Variants in ASPA observed in about 807,000 individuals in gnomAD.
The protein encoded by ASPA is aspartoacylase.
Under a neutral mutation model 29.6 loss-of-function variants are expected in ASPA, and 25 were observed. That is an observed-to-expected ratio of 0.85 (90% confidence interval 0.62 to 1.18). The LOEUF (loss-of-function observed/expected upper bound fraction) is 1.18. ASPA is among the 50% of genes most tolerant of loss of function. The probability of loss-of-function intolerance (pLI) is 0.00; values close to 1 mark genes in which losing one functional copy is unlikely to be tolerated. For synonymous variants in ASPA, 131 were observed against 130.3 expected, an observed-to-expected ratio of 1.01 and a Z score of -0.04; for missense variants, 333 against 385.7, an observed-to-expected ratio of 0.86 and a Z score of 1.14.
In ASPA at chr17:3,488,657, G is replaced by A. The variant is rs74397580; in HGVS notation, c.527-578G>A. Among the ~76,000 whole-genome samples, 1 of 151,902 alleles carries A rather than the reference G, an allele frequency of 6.6e-6. No homozygotes were observed. The highest frequency in any genetic ancestry group is 2.4e-5 in the African/African-American group (1 of 41,334). On this transcript the variant is annotated intron_variant, in intron 3 of 5. Coordinates refer to ENST00000263080, the MANE Select transcript of ASPA (RefSeq NM_000049.4). This position sits in a 1 kb window ranked among gnomAD's most constrained non-coding sequence, Gnocchi z 6.1. ...GGGTGACAGAGTGAGACTCTGTCTC[G>A]AAAAAATAAATAAATAAATAAAACC... is the stretch of plus-strand genomic sequence containing the variant.
intron 4 of ASPA, among the ~76,000 whole-genome samples, chr17:3,491,754 A>AAAG (rs2073829502): frequency 2.0e-5 from 3 of 151,522 alleles, no homozygotes; most frequent in South Asian, 2.1e-4. Flanking sequence ...TCAAAAAAAA[A>AAAG]AAAGAAAGAA....
At chr17:3,498,755 G>T (rs145748935) in intron 5 of ASPA, 136 bp from the exon 6 acceptor site, 2 of 827,698 alleles carry the variant, frequency 2.4e-6, no homozygotes, top group Middle Eastern at 3.9e-4. Flanking sequence ...TCACTTGCCT[G>T]CATCTCAATG....
intron 5 of ASPA, among the ~76,000 whole-genome samples, chr17:3,498,166 G>A (rs145566054): frequency 6.6e-6 from 1 of 152,152 alleles, no homozygotes; most frequent in East Asian, 1.9e-4. Context: ...TTTCCCAACG[G>A]TAGAATGTCT....
rs922942874 is a variant in ASPA at position 3,500,268 on chromosome 17, T to G, written c.*1180T>G. On this transcript the variant is annotated 3_prime_UTR_variant, in exon 6 of 6. Coordinates refer to ENST00000263080, the MANE Select transcript of ASPA (RefSeq NM_000049.4). ...AAGCTGTAGCAAGTTATCCAGAAGATGTAGCTAAAATCATTGACAAAGATG... is the reference window on the plus strand; with the variant it reads ...AAGCTGTAGCAAGTTATCCAGAAGAGGTAGCTAAAATCATTGACAAAGATG... 6.6e-6 allele frequency: 1 copy of G among 152,274 alleles called. No homozygotes were observed. The highest frequency in any genetic ancestry group is 2.4e-5 in the African/African-American group (1 of 41,454). The allele number at this position is 152,274 out of a possible 1,614,324, so 9.4% of individuals were successfully genotyped here. A position where few individuals can be genotyped will look rare whatever the true frequency, so the allele number is the denominator to read the frequency against.
At position 3,498,608 on chromosome 17, in the gene ASPA, A is replaced by T. The variant is rs186420765; in HGVS notation, c.745-283A>T. ...GCGATCCACCCACATTGGCCTCCCC[A>T]AGTGCTGGGATTACAGGCAAGGAGC... On this transcript the variant is annotated intron_variant, in intron 5 of 5. Transcript: ENST00000263080. 1.2e-4 allele frequency among the ~76,000 whole-genome samples: 18 copies of T among 152,324 alleles called. 1 individual carries two copies. The East Asian group carries it at 3.3e-3, about 28-fold the overall frequency.
At chr17:3,489,753 G>A (rs1231363284) in intron 4 of ASPA, among the ~76,000 whole-genome samples, 1 of 152,148 alleles carries the variant, frequency 6.6e-6, no homozygotes. Context: ...TTACCTGCTG[G>A]TGAACATATA....
rs1387223329 is a variant in ASPA at position 3,498,971 on chromosome 17, C to A, written c.825C>A (p.Asp275Glu). 8.1e-6 allele frequency: 13 copies of A among 1,614,018 alleles called. No homozygotes were observed. The highest frequency in any genetic ancestry group is 9.3e-6 in the Non-Finnish European group (11 of 1,180,000). The change falls in exon 6 of 6, where the codon GAC becomes GAA. Residue 275 changes from aspartate to glutamate, a missense_variant. Transcript: ENST00000263080. ...GGAAGACGATCCCACTGGGCGGAGACTGTACCGTGTACCCCGTGTTTGTGA... is the reference window on the plus strand; with the variant it reads ...GGAAGACGATCCCACTGGGCGGAGAATGTACCGTGTACCCCGTGTTTGTGA... ...LDGKTIPLGG[D>E]CTVYPVFVNE...
chr17:3,491,225 T>C (rs896567448), intron 4 of ASPA, among the ~76,000 whole-genome samples: 1 of 152,218 alleles, frequency 6.6e-6, no homozygotes. Context: ...TTAACAATTG[T>C]TTAAACCAAA....
rs2073669074 is a variant in ASPA, at chr17:3,483,501, TTCTCTGGCTCCAC to T, written c.437_449del (p.Ser146TyrfsTer7). On this transcript the variant is annotated frameshift_variant, in exon 3 of 6. Transcript: ENST00000263080. LOFTEE classifies it high-confidence loss of function. ...AAGACGTTTTTGATTTTTTTCAGAC[TTCTCTGGCTCCAC>T]TACCCTGCTACGTTTATCTGATTGA... 6.2e-7 allele frequency: 1 copy of T among 1,613,902 alleles called. No homozygotes were observed. Among genetic ancestry groups the T allele is most frequent in the Middle Eastern group, 1.6e-4 (1 of 6,062 alleles).
upstream of ASPA, among the ~76,000 whole-genome samples, chr17:3,474,688 G>A (rs1322123465): frequency 1.3e-5 from 2 of 152,126 alleles, no homozygotes; most frequent in African/African-American, 2.4e-5. Flanking sequence ...CATTCAGTGG[G>A]TTTATTAAAT....
upstream of ASPA, chr17:3,475,744 A>T (rs147073184): frequency 2.1e-5 from 4 of 186,104 alleles, no homozygotes; most frequent in African/African-American, 9.5e-5. Flanking sequence ...TTGTGAAATT[A>T]GAAACGTATA....
intron 5 of ASPA, 136 bp from the exon 6 acceptor site, chr17:3,498,755 G>C (rs145748935): frequency 1.2e-6 from 1 of 827,700 alleles, no homozygotes; most frequent in Non-Finnish European, 1.8e-6. Context: ...TCACTTGCCT[G>C]CATCTCAATG....
chr17:3,491,678 G>A (rs185995581), intron 4 of ASPA, among the ~76,000 whole-genome samples: 94 of 152,048 alleles, frequency 6.2e-4, no homozygotes, highest in African/African-American at 2.2e-3. Flanking sequence ...AACCAAGGAG[G>A]CAGAGATTGC....
Position 3,483,592 on chromosome 17 carries a change from G to C in ASPA, c.526G>C (p.Gly176Arg). The change falls in exon 3 of 6, where the codon GGT (glycine) becomes CGT (arginine). Residue 176 changes from glycine to arginine, a missense_variant and splice_region_variant. Gly to Arg is a moderately radical substitution (Grantham distance 125). Coordinates refer to ENST00000263080, the MANE Select transcript of ASPA (RefSeq NM_000049.4). Reference sequence around the variant, plus strand: ...TCGTTCCATAGCCAAGTATCCTGTGGGTAAGTCATAGTTCCCACTGTCATA... The same window carrying C: ...TCGTTCCATAGCCAAGTATCCTGTGCGTAAGTCATAGTTCCCACTGTCATA... ...TTRSIAKYPVGIEVGPQPQGV... is the reference protein window; with the variant it reads ...TTRSIAKYPVRIEVGPQPQGV... 3.7e-6 allele frequency: 6 copies of C among 1,610,006 alleles called. No individual in the cohort carries two copies. The highest frequency in any genetic ancestry group is 5.1e-6 in the Non-Finnish European group (6 of 1,176,352).
At chr17:3,498,323 G>T (rs1219769926) in intron 5 of ASPA, among the ~76,000 whole-genome samples, 1 of 152,042 alleles carries the variant, frequency 6.6e-6, no homozygotes. Flanking sequence ...TACATTCAAG[G>T]TAAACCTGGT....
intron 1 of ASPA, among the ~76,000 whole-genome samples, chr17:3,477,016 G>A (rs1035614720): frequency 3.3e-5 from 5 of 151,846 alleles, no homozygotes; most frequent in African/African-American, 9.7e-5. Context: ...TTAGCCGGGC[G>A]TAGTGGCGGG....
intron 1 of ASPA, among the ~76,000 whole-genome samples, chr17:3,477,955 G>A (rs2073556675): frequency 6.6e-6 from 1 of 151,750 alleles, no homozygotes; most frequent in South Asian, 2.1e-4. Context: ...GGCTGAGGCA[G>A]GCAGATCATG....
chr17:3,483,024 C>G (rs1256775575), intron 2 of ASPA, among the ~76,000 whole-genome samples: 3 of 146,180 alleles, frequency 2.1e-5, no homozygotes, highest in African/African-American at 7.6e-5. Flanking sequence ...ATTGCTGACA[C>G]TTTGTTATCC....
intron 5 of ASPA, among the ~76,000 whole-genome samples, chr17:3,497,356 C>T (rs2073926616): frequency 6.6e-6 from 1 of 152,074 alleles, no homozygotes; most frequent in Non-Finnish European, 1.5e-5. Flanking sequence ...ATACAATAAA[C>T]ACAGAAAACA....
Sources: gnomAD v4.1 joint callset for allele counts (sites outside exome capture counted in the v4.1 genomes callset) on GRCh38, gnomAD v4.1.1 for gene constraint, Gnocchi (gnomAD v3.1) non-coding constraint, MANE v1.5 for transcripts, NCBI Gene and HGNC (gene_info 2026-07-23, HGNC 2026-07-21) for gene names.